Variants in ITGA2 observed in about 807,000 individuals in gnomAD.
The protein encoded by ITGA2 is integrin subunit alpha 2.
A neutral mutation model predicts 146.3 loss-of-function variants in ITGA2; 101 were observed. The observed-to-expected ratio is 0.69, with a 90% confidence interval of 0.59 to 0.81. The LOEUF (loss-of-function observed/expected upper bound fraction) is 0.81. Among genes scored for constraint, ITGA2 ranks in the 40% least tolerant of loss-of-function variants. The pLI, the probability that ITGA2 is intolerant of heterozygous loss-of-function variation, is 0.00. For synonymous variants in ITGA2, 477 were observed against 487.1 expected (o/e 0.98, Z 0.27); for missense variants, 1,281 against 1,402.7 (o/e 0.91, Z 1.39).
At chr5:53,050,386 C>G (rs1579853658) in intron 6 of ITGA2, among the ~76,000 whole-genome samples, 1 of 152,276 alleles carries the variant, frequency 6.6e-6, no homozygotes, top group East Asian at 1.9e-4. Context: ...TACCATCTTC[C>G]TCTCGTATTG....
At position 53,090,501 on chromosome 5, in the gene ITGA2, A is replaced by G. The variant is rs1174876763; in HGVS notation, c.3466-18A>G. 2.5e-6 allele frequency: 4 copies of G among 1,611,840 alleles called. No homozygotes were observed. The highest frequency in any genetic ancestry group is 1.7e-5 in the Admixed American group (1 of 60,000). The stretch of plus-strand genomic sequence containing the variant: ...ATAAGCCACGGGTGGTAACATTCTT[A>G]TATCATCACCTTTACAGCTCGGCTT... On this transcript the variant is annotated intron_variant, in intron 29 of 29. Coordinates refer to ENST00000296585, the MANE Select transcript of ITGA2 (RefSeq NM_002203.4).
intron 3 of ITGA2, among the ~76,000 whole-genome samples, chr5:53,043,191 ACT>A (rs1455345239): frequency 1.3e-5 from 2 of 151,512 alleles, no homozygotes; most frequent in African/African-American, 4.8e-5. Context: ...TTTTTTGAAC[ACT>A]CAGTATATAT....
At chr5:53,028,613 T>G (rs922733620) in intron 2 of ITGA2, among the ~76,000 whole-genome samples, 6 of 152,164 alleles carry the variant, frequency 3.9e-5, no homozygotes, top group Non-Finnish European at 7.4e-5. Flanking sequence ...AGCCCTAATT[T>G]TTTCCCTCAG....
intron 1 of ITGA2, among the ~76,000 whole-genome samples, chr5:52,996,893 G>A (rs3212661): frequency 0.052 from 7,845 of 152,206 alleles, 271 homozygotes; most frequent in Non-Finnish European, 0.079. Context: ...ATATCACAGA[G>A]AAATAGTGTT....
Position 53,056,162 on chromosome 5 carries a change from ACCT to A in ITGA2, c.1096+17_1096+19del. The A allele has an allele frequency of 1.9e-6, 3 of 1,608,432 alleles. No individual in the cohort carries two copies. Among genetic ancestry groups the A allele is most frequent in the Non-Finnish European group, 2.5e-6 (3 of 1,176,528 alleles). On this transcript the variant is annotated intron_variant, in intron 9 of 29. Coordinates refer to ENST00000296585, the MANE Select transcript of ITGA2 (RefSeq NM_002203.4). The stretch of plus-strand genomic sequence containing the variant: ...TTCAGCATTGAAGGTAAAAAAAATA[ACCT>A]CCTTTCAAGAATTTTCTTCAAAATG...
Position 53,092,856 on chromosome 5 carries a change from TC to T in ITGA2, c.*2260del, listed in dbSNP as rs1471539397. Reference sequence around the variant, plus strand: ...CAGGCACGGTGGCTCACACCTGTAATCCCAACACTTTGGGAGGCTGAGGCCG... The same window carrying T: ...CAGGCACGGTGGCTCACACCTGTAATCCAACACTTTGGGAGGCTGAGGCCG... On this transcript the variant is annotated 3_prime_UTR_variant, in exon 30 of 30. Transcript: ENST00000296585. 6.6e-6 allele frequency: 1 copy of T among 152,226 alleles called. No individual in the cohort carries two copies. The highest frequency in any genetic ancestry group is 1.5e-5 in the Non-Finnish European group (1 of 68,116). 9.4% of individuals were successfully genotyped at this position (152,226 alleles called of 1,614,324 possible).
At chr5:52,998,178 T>C (rs1206926914) in intron 1 of ITGA2, among the ~76,000 whole-genome samples, 1 of 152,122 alleles carries the variant, frequency 6.6e-6, no homozygotes, top group Non-Finnish European at 1.5e-5. Flanking sequence ...TTTTTAAAAG[T>C]GAAGTCCCAG....
intron 4 of ITGA2, among the ~76,000 whole-genome samples, chr5:53,047,208 C>T (rs1431257174): frequency 1.3e-5 from 2 of 152,164 alleles, no homozygotes; most frequent in Non-Finnish European, 2.9e-5. Flanking sequence ...CTTGCAAGCC[C>T]ATACTCTTCT....
intron 9 of ITGA2, 73 bp downstream of exon 9, chr5:53,056,222 TTTACTAATG>T: frequency 1.5e-6 from 2 of 1,373,512 alleles, no homozygotes; most frequent in Non-Finnish European, 2.1e-6. Flanking sequence ...ACATATTTGC[TTTACTAATG>T]TTAACTTGTA....
rs562268753 is a variant in ITGA2 at position 53,058,225 on chromosome 5, G to A, written c.1173+124G>A. ...ATCAGCCCTTCTGATTCCTAGTCAC[G>A]GTCATTTAGTTTCTTTGTGCTGCTG... On this transcript the variant is annotated intron_variant, in intron 10 of 29. Transcript: ENST00000296585. 3.4e-5 allele frequency: 26 copies of A among 757,374 alleles called. No individual in the cohort carries two copies. In the East Asian group the frequency reaches 4.5e-4, roughly 13 times the overall value. 46.9% of individuals were successfully genotyped at this position (757,374 alleles called of 1,614,324 possible).
intron 10 of ITGA2, among the ~76,000 whole-genome samples, chr5:53,059,091 AAGAT>A (rs2111955932): frequency 6.6e-6 from 1 of 151,990 alleles, no homozygotes; most frequent in South Asian, 2.1e-4. Context: ...GGTACGCTCT[AAGAT>A]AGAAGAACAA....
Position 53,067,158 on chromosome 5 carries a change from A to C in ITGA2, c.1984A>C (p.Thr662Pro). Residue 662 changes from threonine (T) to proline (P), a missense_variant, in exon 16 of 30, where the codon ACA (threonine) becomes CCA (proline). Transcript: ENST00000296585. ...TGATGTAGCTATAGAAGCTTCATTC[A>C]CACCAGAAAAAATCACTTTGGTCAA... Reference protein sequence around the residue: ...IADVAIEASFTPEKITLVNKN... With the variant: ...IADVAIEASFPPEKITLVNKN... 6.2e-7 allele frequency: 1 copy of C among 1,611,380 alleles called. No individual in the cohort carries two copies. The highest frequency in any genetic ancestry group is 8.5e-7 in the Non-Finnish European group (1 of 1,178,622).
chr5:53,028,914 C>T (rs1351159582), intron 2 of ITGA2, among the ~76,000 whole-genome samples: 3 of 152,240 alleles, frequency 2.0e-5, no homozygotes, highest in African/African-American at 7.2e-5. Context: ...TCTCCACCTG[C>T]CTTCAGCTTC....
Position 53,093,973 on chromosome 5 carries a change from G to A in ITGA2, c.*3374G>A, listed in dbSNP as rs1217090021. 2 of 66,668 alleles carry A rather than the reference G, an allele frequency of 3.0e-5. No homozygotes were observed. Among genetic ancestry groups the A allele is most frequent in the African/African-American group, 1.3e-4 (2 of 15,164 alleles). The allele number at this position is 66,668 out of a possible 1,614,324, so 4.1% of individuals were successfully genotyped here. A position where few individuals can be genotyped will look rare whatever the true frequency, so the allele number is the denominator to read the frequency against. On this transcript the variant is annotated 3_prime_UTR_variant, in exon 30 of 30. Coordinates refer to ENST00000296585, the MANE Select transcript of ITGA2 (RefSeq NM_002203.4). ...TGTAAAATAGTTACCTATTAAAACT[G>A]TGAAGAGTAAAACTAAAGCCAATTT... is the stretch of plus-strand genomic sequence containing the variant.
At chr5:53,069,399 CAA>C (rs1745284912) in intron 16 of ITGA2, among the ~76,000 whole-genome samples, 1 of 151,872 alleles carries the variant, frequency 6.6e-6, no homozygotes, top group Non-Finnish European at 1.5e-5. Context: ...GGATTCAAAC[CAA>C]GTCTGCCTGA....
intron 16 of ITGA2, among the ~76,000 whole-genome samples, chr5:53,068,909 T>C (rs1287218008): frequency 6.6e-6 from 1 of 151,840 alleles, no homozygotes; most frequent in Non-Finnish European, 1.5e-5. Flanking sequence ...GGACTAACTT[T>C]GTCCTAACTG....
chr5:53,042,449 A>G (rs1355272215), intron 3 of ITGA2, among the ~76,000 whole-genome samples: 1 of 152,124 alleles, frequency 6.6e-6, no homozygotes, highest in Admixed American at 6.6e-5. Flanking sequence ...TTACCTATAG[A>G]CCATGGACTG....
chr5:53,051,394 T>G lies in ITGA2; in HGVS notation c.631-17T>G, dbSNP rs771551497. 1.9e-6 allele frequency: 3 copies of G among 1,611,690 alleles called. No homozygotes were observed. The highest frequency in any genetic ancestry group is 2.2e-5 in the South Asian group (2 of 91,030). On this transcript the variant is annotated splice_polypyrimidine_tract_variant and intron_variant, in intron 6 of 29. Transcript: ENST00000296585. ...AATGTAATGACAGCCCATTAATAAA[T>G]GTCTCCTCTGTTGAAGGTGGGGTTA...
intron 1 of ITGA2, among the ~76,000 whole-genome samples, chr5:53,022,293 T>A (rs1742727028): frequency 6.6e-6 from 1 of 151,966 alleles, no homozygotes; most frequent in Non-Finnish European, 1.5e-5. Flanking sequence ...AGCCTTGAAC[T>A]CCTGGGCTCA....
Sources: gnomAD v4.1 joint callset for allele counts (sites outside exome capture counted in the v4.1 genomes callset) on GRCh38, gnomAD v4.1.1 for gene constraint, MANE v1.5 for transcripts, NCBI Gene and HGNC (gene_info 2026-07-23, HGNC 2026-07-21) for gene names.